CSMD3: variants seen among roughly 807,000 people sequenced by gnomAD.
CSMD3 encodes CUB and sushi domain-containing protein 3.
CSMD3 carries 177 observed loss-of-function variants against 435.2 expected under a neutral mutation model. The observed-to-expected ratio is 0.41, with a 90% CI of 0.36 to 0.46. The LOEUF is 0.46. Ranked by LOEUF, CSMD3 falls within the 20% of genes least tolerant of loss-of-function variation. The pLI, the probability that CSMD3 is intolerant of heterozygous loss-of-function variation, is 0.34. For synonymous variants in CSMD3, 1,656 were observed against 1,520.5 expected (o/e 1.09, Z -2.07); for missense variants, 4,265 against 4,504.6 (o/e 0.95, Z 1.52).
chr8:112,998,042 C>A (rs2085720800), intron 6 of CSMD3, among the ~76,000 whole-genome samples: 2 of 151,592 alleles, frequency 1.3e-5, no homozygotes, highest in South Asian at 2.1e-4. Flanking sequence ...GCATCAGATT[C>A]TTTCCCTTTA....
At chr8:113,352,591 CA>C (rs2094197220) in intron 1 of CSMD3, among the ~76,000 whole-genome samples, 1 of 152,150 alleles carries the variant, frequency 6.6e-6, no homozygotes, top group African/African-American at 2.4e-5. Flanking sequence ...AGCACAAAAG[CA>C]GGTGACCTCC....
intron 23 of CSMD3, among the ~76,000 whole-genome samples, chr8:112,584,394 A>G (rs1830558974): frequency 6.6e-6 from 1 of 151,766 alleles, no homozygotes; most frequent in Non-Finnish European, 1.5e-5. Context: ...TGTAAACTCT[A>G]CTGGTATGGT....
chr8:112,525,144 T>C (rs995746587), intron 27 of CSMD3, among the ~76,000 whole-genome samples: 1 of 151,840 alleles, frequency 6.6e-6, no homozygotes, highest in Non-Finnish European at 1.5e-5. Flanking sequence ...ATTTTATTTT[T>C]ATTTTCATTA....
At chr8:112,665,952 AGC>A (rs2075513206) in intron 17 of CSMD3, among the ~76,000 whole-genome samples, 1 of 152,098 alleles carries the variant, frequency 6.6e-6, no homozygotes, top group African/African-American at 2.4e-5. Context: ...CTTGAAACCT[AGC>A]AGAGCAGAAT....
intron 22 of CSMD3, among the ~76,000 whole-genome samples, chr8:112,615,593 T>C (rs1469068655): frequency 6.6e-6 from 1 of 152,068 alleles, no homozygotes; most frequent in Non-Finnish European, 1.5e-5. Context: ...GCCTACATCA[T>C]GAAATTTAAC....
chr8:113,160,920 T>G (rs1251918692), intron 4 of CSMD3, among the ~76,000 whole-genome samples: 4 of 152,102 alleles, frequency 2.6e-5, no homozygotes, highest in Admixed American at 6.6e-5. Flanking sequence ...AGGGGACGGA[T>G]GTTGAATCAA....
chr8:113,202,382 C>A (rs1453182914), intron 3 of CSMD3, among the ~76,000 whole-genome samples: 1 of 152,034 alleles, frequency 6.6e-6, no homozygotes, highest in Non-Finnish European at 1.5e-5. Flanking sequence ...GACTGAAGAG[C>A]CTCTTTTAAA....
At position 113,086,148 on chromosome 8, in the gene CSMD3, C is replaced by T. The variant is rs1348815201; in HGVS notation, c.917+12608G>A. ...ACTGTAGTCCCAGCTACTCGGGAGG[C>T]TGAGGCAGGAGAATGGAGTGTACCT... On this transcript the variant is annotated intron_variant, in intron 5 of 70. Coordinates refer to ENST00000297405, the MANE Select transcript of CSMD3 (RefSeq NM_198123.2). Among the ~76,000 whole-genome samples the T allele has an allele frequency of 1.1e-4, 17 of 151,776 alleles. No homozygotes were observed. In the East Asian group the frequency reaches 3.3e-3, roughly 30 times the overall value.
intron 20 of CSMD3, among the ~76,000 whole-genome samples, chr8:112,644,577 C>T (rs2074926083): frequency 6.6e-6 from 1 of 151,874 alleles, no homozygotes; most frequent in Non-Finnish European, 1.5e-5. Context: ...ATGCAGAGTG[C>T]AATTTTACAC....
At chr8:113,375,621 T>A (rs1353086535) in intron 1 of CSMD3, among the ~76,000 whole-genome samples, 1 of 152,006 alleles carries the variant, frequency 6.6e-6, no homozygotes, top group Non-Finnish European at 1.5e-5. Flanking sequence ...TCCTTAGGAA[T>A]GAAGCTAAGA....
chr8:113,006,124 T>G (rs1241604360), intron 6 of CSMD3, among the ~76,000 whole-genome samples: 1 of 151,990 alleles, frequency 6.6e-6, no homozygotes, highest in Non-Finnish European at 1.5e-5. Context: ...TTGCATAACC[T>G]CCTCTCTTCC....
intron 3 of CSMD3, among the ~76,000 whole-genome samples, chr8:113,218,496 G>C (rs907583942): frequency 1.4e-5 from 2 of 148,112 alleles, no homozygotes; most frequent in Non-Finnish European, 3.0e-5. Context: ...ACTATGTCAT[G>C]ACCAATTGAA....
At chr8:113,245,713 C>T (rs2093269158) in intron 3 of CSMD3, among the ~76,000 whole-genome samples, 1 of 151,936 alleles carries the variant, frequency 6.6e-6, no homozygotes, top group African/African-American at 2.4e-5. Flanking sequence ...GATGTAGTTA[C>T]ATTTACTGTT....
intron 13 of CSMD3, among the ~76,000 whole-genome samples, chr8:112,733,961 C>T (rs1194184795): frequency 1.3e-5 from 2 of 151,724 alleles, no homozygotes; most frequent in South Asian, 2.1e-4. Flanking sequence ...GCAGTCTGGA[C>T]ATTTAATCAT....
At chr8:113,107,278 A>G (rs2090508071) in intron 4 of CSMD3, among the ~76,000 whole-genome samples, 1 of 152,182 alleles carries the variant, frequency 6.6e-6, no homozygotes, top group Non-Finnish European at 1.5e-5. Context: ...ATTACACAAT[A>G]TGCCATGCCT....
chr8:112,584,370 T>C (rs1445375431), intron 23 of CSMD3, among the ~76,000 whole-genome samples: 2 of 151,722 alleles, frequency 1.3e-5, no homozygotes, highest in East Asian at 3.9e-4. Context: ...TGGCTTACAC[T>C]TGGAACTCAC....
rs2130915202 is a variant in CSMD3, at chr8:112,503,859, T to A, written c.5014A>T (p.Asn1672Tyr). The A allele has an allele frequency of 6.2e-7, 1 of 1,613,324 alleles. No individual in the cohort carries two copies. The highest frequency in any genetic ancestry group is 1.3e-5 in the African/African-American group (1 of 75,008). Residue 1672 changes from asparagine to tyrosine, a missense_variant, in exon 30 of 71, where the codon AAT becomes TAT. Physicochemically the swap from Asn to Tyr is moderately radical, Grantham distance 143. This residue lies in a region of CSMD3 where 3,255 missense variants were observed against 3,380.2 expected (regional missense o/e 0.96). Transcript: ENST00000297405. ...KLPERIESSS[N>Y]TMHLAFRSDG... The stretch of plus-strand genomic sequence containing the variant: ...CTCCGAAAAGCCAAATGCATTGTAT[T>A]TGAGCTGCTTTCTATTCTCTCTGGT...
intron 5 of CSMD3, among the ~76,000 whole-genome samples, chr8:113,085,313 A>T (rs1416444689): frequency 6.6e-6 from 1 of 152,176 alleles, no homozygotes; most frequent in Non-Finnish European, 1.5e-5. Flanking sequence ...AGAAAAGGAA[A>T]GTCATACAAT....
At chr8:112,292,209 T>C (rs1819831491) in intron 55 of CSMD3, among the ~76,000 whole-genome samples, 1 of 152,098 alleles carries the variant, frequency 6.6e-6, no homozygotes, top group African/African-American at 2.4e-5. Flanking sequence ...AAATTGCAAG[T>C]AAAAATAATC....
Sources: allele counts gnomAD v4.1 joint callset (sites outside exome capture counted in the v4.1 genomes callset), GRCh38; gene constraint gnomAD v4.1.1; regional missense constraint gnomAD v4.1.1; transcripts MANE v1.5; gene names NCBI Gene and HGNC (gene_info 2026-07-23, HGNC 2026-07-21).